EXOC6B: variants seen among roughly 807,000 people sequenced by gnomAD.
The protein encoded by EXOC6B is SEC15 homolog B.
EXOC6B carries 54 observed loss-of-function variants against 113.5 expected under a neutral mutation model. The observed-to-expected ratio is 0.48, with a 90% CI of 0.38 to 0.60. EXOC6B has a LOEUF of 0.60. Among genes scored for constraint, EXOC6B ranks in the 20% least tolerant of loss-of-function variants. The pLI, the probability that EXOC6B is intolerant of heterozygous loss-of-function variation, is 0.00. For missense variants in EXOC6B, 797 were observed against 977.5 expected, an observed-to-expected ratio of 0.82 and a Z score of 2.46; for synonymous variants, 357 against 339.0, an observed-to-expected ratio of 1.05 and a Z score of -0.58.
At chr2:72,603,048 G>A (rs998750400) in intron 6 of EXOC6B, among the ~76,000 whole-genome samples, 1 of 149,518 alleles carries the variant, frequency 6.7e-6, no homozygotes, top group Non-Finnish European at 1.5e-5. Flanking sequence ...AAAATAGTCA[G>A]GGTTAACTTG....
At chr2:72,186,281 A>T (rs868514858) in intron 20 of EXOC6B, among the ~76,000 whole-genome samples, 3 of 152,182 alleles carry the variant, frequency 2.0e-5, no homozygotes, top group African/African-American at 7.2e-5. Context: ...GCTGGGTCAA[A>T]TGGTATTTCT....
chr2:72,595,828 C>T (rs1670050360), intron 6 of EXOC6B, among the ~76,000 whole-genome samples: 1 of 152,068 alleles, frequency 6.6e-6, no homozygotes, highest in Non-Finnish European at 1.5e-5. Flanking sequence ...AAAGAACAAG[C>T]AGAATATAAA....
At chr2:72,544,880 A>G (rs1009537066) in intron 8 of EXOC6B, among the ~76,000 whole-genome samples, 5 of 152,138 alleles carry the variant, frequency 3.3e-5, no homozygotes, top group African/African-American at 1.2e-4. Context: ...AAATATTTAC[A>G]AAGAAAGAAA....
chr2:72,353,262 T>C (rs1317760883), intron 19 of EXOC6B, among the ~76,000 whole-genome samples: 1 of 152,144 alleles, frequency 6.6e-6, no homozygotes, highest in East Asian at 1.9e-4. Context: ...TTGTTCTTTC[T>C]ACTGGCTCAT....
chr2:72,652,693 A>G (rs1291578822), intron 6 of EXOC6B, among the ~76,000 whole-genome samples: 3 of 148,620 alleles, frequency 2.0e-5, no homozygotes, highest in Non-Finnish European at 3.0e-5. Flanking sequence ...GATTGTATAC[A>G]TTATGAGATT....
At chr2:72,740,868 C>T (rs1233643830) in intron 2 of EXOC6B, among the ~76,000 whole-genome samples, 3 of 151,906 alleles carry the variant, frequency 2.0e-5, no homozygotes, top group African/African-American at 7.3e-5. Context: ...CTTGGGAGGC[C>T]GAGGCGGGCA....
chr2:72,779,220 C>T (rs1445211882), intron 1 of EXOC6B, among the ~76,000 whole-genome samples: 3 of 151,846 alleles, frequency 2.0e-5, no homozygotes, highest in African/African-American at 7.3e-5. Flanking sequence ...GTGAGTAGAG[C>T]CATGATTACA....
chr2:72,338,962 C>CATACACAT (rs1688863851), intron 19 of EXOC6B, among the ~76,000 whole-genome samples: 2 of 141,770 alleles, frequency 1.4e-5, no homozygotes, highest in Non-Finnish European at 3.1e-5. Flanking sequence ...TACACATACA[C>CATACACAT]ATACATACAC....
At chr2:72,538,803 T>C (rs912291130) in intron 8 of EXOC6B, among the ~76,000 whole-genome samples, 2 of 152,180 alleles carry the variant, frequency 1.3e-5, no homozygotes, top group Non-Finnish European at 2.9e-5. Context: ...TGCAAACATA[T>C]ATATAAATAG....
At chr2:72,398,696 CAA>C (rs773438899) in intron 18 of EXOC6B, among the ~76,000 whole-genome samples, 12 of 98,546 alleles carry the variant, frequency 1.2e-4, no homozygotes, top group African/African-American at 3.4e-4. Flanking sequence ...GACTCTATCT[CAA>C]AAAAAAAAAA....
intron 6 of EXOC6B, among the ~76,000 whole-genome samples, chr2:72,637,569 A>G: frequency 6.6e-6 from 1 of 152,160 alleles, no homozygotes; most frequent in East Asian, 1.9e-4. Flanking sequence ...TGGGCAGATC[A>G]CTTGAGGTCA....
intron 17 of EXOC6B, among the ~76,000 whole-genome samples, chr2:72,475,160 T>C (rs1160934793): frequency 6.6e-6 from 1 of 152,068 alleles, no homozygotes; most frequent in South Asian, 2.1e-4. Context: ...ATGTGTGTCT[T>C]TGGGCTCCAG....
At chr2:72,508,163 C>CAAAAAAAAAAAAA (rs67586747) in intron 11 of EXOC6B, among the ~76,000 whole-genome samples, 5 of 57,522 alleles carry the variant, frequency 8.7e-5, no homozygotes, top group African/African-American at 5.2e-4. Flanking sequence ...ATATTACCCG[C>CAAAAAAAAAAAAA]AAAAAAAAAA....
At chr2:72,189,224 A>G (rs1678648729) in intron 20 of EXOC6B, among the ~76,000 whole-genome samples, 1 of 152,150 alleles carries the variant, frequency 6.6e-6, no homozygotes, top group Admixed American at 6.6e-5. Flanking sequence ...TGGAATATTT[A>G]TACAACCTTT....
intron 11 of EXOC6B, among the ~76,000 whole-genome samples, chr2:72,509,730 T>C (rs912661608): frequency 1.3e-5 from 2 of 151,990 alleles, no homozygotes; most frequent in Non-Finnish European, 2.9e-5. Flanking sequence ...AAATATAAGA[T>C]AAAGACAATG....
intron 8 of EXOC6B, among the ~76,000 whole-genome samples, chr2:72,545,131 A>G (rs1007747657): frequency 7.2e-5 from 11 of 152,102 alleles, no homozygotes; most frequent in African/African-American, 2.4e-4. Flanking sequence ...ACACCTCTTT[A>G]AAAAAATACT....
intron 18 of EXOC6B, among the ~76,000 whole-genome samples, chr2:72,413,052 G>A (rs1014866000): frequency 5.3e-5 from 8 of 152,102 alleles, no homozygotes; most frequent in Middle Eastern, 3.4e-3. Flanking sequence ...TCCGCCTCCC[G>A]GGTTCACGCC....
intron 1 of EXOC6B, among the ~76,000 whole-genome samples, chr2:72,801,948 T>C (rs1334987171): frequency 1.3e-5 from 2 of 152,224 alleles, no homozygotes; most frequent in Admixed American, 1.3e-4. Flanking sequence ...ATCAAAATTT[T>C]AAATGCACAT....
At chr2:72,751,869 C>T (rs1047185808) in intron 1 of EXOC6B, among the ~76,000 whole-genome samples, 3 of 151,928 alleles carry the variant, frequency 2.0e-5, no homozygotes, top group African/African-American at 7.3e-5. Flanking sequence ...AGTTGTGATC[C>T]TCAAAATAAA....
Sources: allele counts gnomAD v4.1 joint callset (sites outside exome capture counted in the v4.1 genomes callset), GRCh38; gene constraint gnomAD v4.1.1; transcripts MANE v1.5; gene names NCBI Gene and HGNC (gene_info 2026-07-23, HGNC 2026-07-21).